GRN: variants seen among roughly 807,000 people sequenced by gnomAD.
The protein encoded by GRN is granulin precursor, also known as progranulin.
GRN carries 30 observed loss-of-function variants against 66.7 expected under a neutral mutation model. That is an observed-to-expected ratio of 0.45 (90% CI 0.34 to 0.61). GRN has a LOEUF of 0.61. Ranked by LOEUF, GRN falls within the 20% of genes least tolerant of loss-of-function variation. The pLI is 0.01. For missense variants in GRN, 731 were observed against 803.5 expected (o/e 0.91, Z 1.09); for synonymous variants, 327 against 311.1 (o/e 1.05, Z -0.54).
intron 4 of GRN, 107 bp from the exon 5 acceptor site, chr17:44,350,121 A>T: frequency 1.2e-6 from 1 of 831,256 alleles, no homozygotes; most frequent in Non-Finnish European, 2.1e-6. Flanking sequence ...TCACCCTCAA[A>T]CCCCAGTAGC....
chr17:44,349,629 A>C, intron 3 of GRN, 38 bp from the exon 4 acceptor site: 1 of 1,611,718 alleles, frequency 6.2e-7, no homozygotes, highest in Non-Finnish European at 8.5e-7. Context: ...CTGCAGATAA[A>C]AGGGCCCTGC....
chr17:44,351,151 C>T lies in GRN; in HGVS notation c.823C>T (p.Pro275Ser). The change falls in exon 8 of 13, where the codon CCT (proline) becomes TCT (serine). Residue 275 changes from proline (P) to serine (S), a missense_variant. Coordinates refer to ENST00000053867, the MANE Select transcript of GRN (RefSeq NM_002087.4). ...TACCACGGACCTCCTCACTAAGCTG[C>T]CTGCGCACACAGGTACCAGAGGCAG... is the stretch of plus-strand genomic sequence containing the variant. The part of the protein sequence containing the change: ...NATTDLLTKL[P>S]AHTVGDVKCD... 6.2e-7 allele frequency: 1 copy of T among 1,614,112 alleles called. No individual in the cohort carries two copies.
In GRN at chr17:44,349,243, C is replaced by T; in HGVS notation, c.79C>T (p.Pro27Ser). The T allele has an allele frequency of 6.2e-7, 1 of 1,614,010 alleles. No individual in the cohort carries two copies. Among genetic ancestry groups the T allele is most frequent in the Non-Finnish European group, 8.5e-7 (1 of 1,179,994 alleles). The change falls in exon 2 of 13, where the codon CCT becomes TCT. Residue 27 changes from proline to serine, a missense_variant. By Grantham distance (74) the Pro-to-Ser change is moderately conservative. This residue lies in a region of GRN where 370 missense variants were observed against 379.8 expected (regional missense o/e 0.97). Coordinates refer to ENST00000053867, the MANE Select transcript of GRN (RefSeq NM_002087.4). ...GTRCPDGQFC[P>S]VACCLDPGGA... ...GCGGTGCCCAGATGGTCAGTTCTGCCCTGTGGCCTGCTGCCTGGACCCCGG... is the reference window on the plus strand; with the variant it reads ...GCGGTGCCCAGATGGTCAGTTCTGCTCTGTGGCCTGCTGCCTGGACCCCGG...
chr17:44,347,969 G>T (rs1031794444), intron 1 of GRN, among the ~76,000 whole-genome samples: 2 of 149,076 alleles, frequency 1.3e-5, no homozygotes, highest in Admixed American at 6.7e-5. Flanking sequence ...GTGGTGGCAC[G>T]CTCCCACAGT....
rs1379429312 is a variant in GRN at position 44,352,397 on chromosome 17, G to A, written c.1470G>A (p.Val490=). ...HCCPAGYTCN[V]KARSCEKEVV... is the part of the protein sequence containing the mutation. ...GCCCGGCTGGCTACACCTGCAACGT[G>A]AAGGCTCGATCCTGCGAGAAGGAAG... The change falls in exon 12 of 13, where the codon GTG becomes GTA. Residue 490 remains valine (V), a synonymous_variant. Coordinates refer to ENST00000053867, the MANE Select transcript of GRN (RefSeq NM_002087.4). The A allele has an allele frequency of 6.2e-7, 1 of 1,613,874 alleles. No homozygotes were observed. Among genetic ancestry groups the A allele is most frequent in the Non-Finnish European group, 8.5e-7 (1 of 1,180,036 alleles).
chr17:44,346,268 A>G (rs2048325909), intron 1 of GRN: 2 of 152,492 alleles, frequency 1.3e-5, no homozygotes, highest in African/African-American at 4.8e-5. Context: ...GAGAGGGTCC[A>G]CTGTCCAGGA....
At chr17:44,349,844 T>C in intron 4 of GRN, 93 bp downstream of exon 4, 1 of 806,380 alleles carries the variant, frequency 1.2e-6, no homozygotes, top group Non-Finnish European at 2.1e-6. Context: ...CCCTGATTCC[T>C]GCCCTTGTGC....
At chr17:44,347,995 G>A (rs186424838) in intron 1 of GRN, among the ~76,000 whole-genome samples, 91 of 151,620 alleles carry the variant, frequency 6.0e-4, no homozygotes, top group African/African-American at 2.1e-3. Flanking sequence ...CTACTTAGTA[G>A]GAGGCCAAGG....
At chr17:44,349,639 C>T (rs763303130) in intron 3 of GRN, 28 bp from the exon 4 acceptor site, 4 of 1,610,324 alleles carry the variant, frequency 2.5e-6, no homozygotes, top group Non-Finnish European at 8.5e-7. Context: ...AAGGGCCCTG[C>T]CAATGCAGGT....
At chr17:44,346,882 G>A (rs1479979505) in intron 1 of GRN, among the ~76,000 whole-genome samples, 5 of 152,208 alleles carry the variant, frequency 3.3e-5, no homozygotes, top group African/African-American at 9.7e-5. Flanking sequence ...TTGGGAGGCC[G>A]TGGCAGGTGG....
chr17:44,348,464 C>T (rs747138420), intron 1 of GRN, among the ~76,000 whole-genome samples: 4 of 152,194 alleles, frequency 2.6e-5, no homozygotes, highest in Non-Finnish European at 5.9e-5. Flanking sequence ...TGTGGGGGAC[C>T]CTCAGAACAC....
chr17:44,349,058 T>C, intron 1 of GRN, 100 bp from the exon 2 acceptor site: 4 of 1,340,228 alleles, frequency 3.0e-6, no homozygotes, highest in Non-Finnish European at 3.2e-6. Flanking sequence ...CAGGCAGTCC[T>C]GGGCCAGGAC....
Position 44,352,116 on chromosome 17 carries a change from G to A in GRN, c.1281G>A (p.Glu427=), listed in dbSNP as rs765113553. The A allele has an allele frequency of 6.2e-6, 10 of 1,613,830 alleles. 1 individual carries two copies. In the South Asian group the frequency reaches 8.8e-5, roughly 14 times the overall value. The change falls in exon 11 of 13, where the codon GAG becomes GAA. Residue 427 remains glutamate (E), a synonymous_variant. Coordinates refer to ENST00000053867, the MANE Select transcript of GRN (RefSeq NM_002087.4). ...QRGSEIVAGL[E]KMPARRASLS... ...GAAGCGAGATCGTGGCTGGACTGGA[G>A]AAGATGCCTGCCCGCCGGGCTTCCT... is the stretch of plus-strand genomic sequence containing the variant.
At chr17:44,351,007 T>A in intron 7 of GRN, 30 bp from the exon 8 acceptor site, 2 of 1,611,292 alleles carry the variant, frequency 1.2e-6, no homozygotes, top group Non-Finnish European at 1.7e-6. Context: ...AGCCTGGAAG[T>A]GACAAAGACC....
intron 4 of GRN, among the ~76,000 whole-genome samples, 180 bp from the exon 5 acceptor site, chr17:44,350,048 G>C (rs192066453): frequency 1.1e-3 from 164 of 152,250 alleles, no homozygotes; most frequent in African/African-American, 3.8e-3. Flanking sequence ...ATCTTGCTGA[G>C]GGAGGGACTG....
rs751651838 is a variant in GRN, at chr17:44,350,508, C to T, written c.529C>T (p.Arg177Cys). The T allele has an allele frequency of 1.6e-5, 26 of 1,613,802 alleles. No individual in the cohort carries two copies. In the South Asian group the frequency reaches 1.9e-4, roughly 12 times the overall value. Reference protein sequence around the residue: ...HGAFCDLVHTRCITPTGTHPL... With the variant: ...HGAFCDLVHTCCITPTGTHPL... ...TGCCTTCTGCGACCTGGTTCACACC[C>T]GCTGCATCACACCCACGGGCACCCA... Residue 177 changes from arginine to cysteine, a missense_variant, in exon 6 of 13, where the codon CGC (arginine) becomes TGC (cysteine). Physicochemically the swap from Arg to Cys is radical, Grantham distance 180. Coordinates refer to ENST00000053867, the MANE Select transcript of GRN (RefSeq NM_002087.4).
intron 8 of GRN, 84 bp from the exon 9 acceptor site, chr17:44,351,279 T>C: frequency 6.6e-7 from 1 of 1,521,428 alleles, no homozygotes; most frequent in Non-Finnish European, 9.1e-7. Flanking sequence ...AACACCTGGT[T>C]CCAGCTGTGG....
intron 4 of GRN, 23 bp downstream of exon 4, chr17:44,349,774 G>C: frequency 6.6e-7 from 1 of 1,520,042 alleles, no homozygotes; most frequent in Non-Finnish European, 9.1e-7. Flanking sequence ...TGTGGGTGCA[G>C]GGCAGGCAGA....
At chr17:44,351,937 G>A (rs1162422921) in intron 10 of GRN, 78 bp from the exon 11 acceptor site, 6 of 1,460,020 alleles carry the variant, frequency 4.1e-6, no homozygotes, top group Non-Finnish European at 5.7e-6. Context: ...CAGGAGAGGC[G>A]GGCTGGAGTA....
Sources: gnomAD v4.1 joint callset for allele counts (sites outside exome capture counted in the v4.1 genomes callset) on GRCh38, gnomAD v4.1.1 for gene constraint, gnomAD v4.1.1 regional missense constraint, MANE v1.5 for transcripts, NCBI Gene and HGNC (gene_info 2026-07-23, HGNC 2026-07-21) for gene names.